The following DAPP1 variants were observed in gnomAD, a reference collection of about 807,000 sequenced individuals.
DAPP1 encodes the protein dual adapter for phosphotyrosine and 3-phosphotyrosine and 3-phosphoinositide.
Under a neutral mutation model 41.5 loss-of-function variants are expected in DAPP1, and 20 were observed. The observed-to-expected ratio is 0.48, with a 90% confidence interval of 0.34 to 0.70. The LOEUF (loss-of-function observed/expected upper bound fraction) is 0.70, where lower values mean the gene tolerates loss of function less well. Among genes scored for constraint, DAPP1 ranks in the 30% least tolerant of loss-of-function variants. DAPP1 has a pLI of 0.01. For synonymous variants in DAPP1, 113 were observed against 116.2 expected, an observed-to-expected ratio of 0.97 and a Z score of 0.18; for missense variants, 233 against 333.4, an observed-to-expected ratio of 0.70 and a Z score of 2.35.
At chr4:99,856,363 T>C (rs1362526478) in intron 4 of DAPP1, among the ~76,000 whole-genome samples, 1 of 152,118 alleles carries the variant, frequency 6.6e-6, no homozygotes, top group Non-Finnish European at 1.5e-5. Flanking sequence ...GAGTGACTCA[T>C]GTCAAGATGT....
chr4:99,826,898 A>G (rs1172659832), intron 1 of DAPP1, among the ~76,000 whole-genome samples: 1 of 152,166 alleles, frequency 6.6e-6, no homozygotes, highest in Non-Finnish European at 1.5e-5. Flanking sequence ...TGTCCATATC[A>G]CTAAGATAGC....
chr4:99,855,307 G>T (rs1724007549), intron 4 of DAPP1, among the ~76,000 whole-genome samples: 2 of 152,150 alleles, frequency 1.3e-5, no homozygotes, highest in Admixed American at 6.5e-5. Flanking sequence ...TTCCCCTAAA[G>T]ATCTCCACTC....
intron 1 of DAPP1, among the ~76,000 whole-genome samples, chr4:99,830,942 A>G (rs1480925566): frequency 6.6e-6 from 1 of 152,170 alleles, no homozygotes; most frequent in Non-Finnish European, 1.5e-5. Flanking sequence ...TTTTTTTCTA[A>G]TTAAATTTGT....
At chr4:99,856,286 A>C (rs1023726316) in intron 4 of DAPP1, among the ~76,000 whole-genome samples, 8 of 152,150 alleles carry the variant, frequency 5.3e-5, no homozygotes, top group Non-Finnish European at 1.2e-4. Flanking sequence ...GGATAAGGGG[A>C]GAAGAGGGAA....
At chr4:99,858,093 A>T (rs909036433) in intron 4 of DAPP1, among the ~76,000 whole-genome samples, 4 of 152,228 alleles carry the variant, frequency 2.6e-5, no homozygotes, top group African/African-American at 7.2e-5. Flanking sequence ...AGAGCCTTCC[A>T]AACTAGAAAA....
chr4:99,865,502 G>A (rs1228928221), intron 7 of DAPP1: 8 of 152,140 alleles, frequency 5.3e-5, no homozygotes, highest in Non-Finnish European at 8.8e-5. Context: ...TGTCCCAATA[G>A]TTGAAATTGC....
chr4:99,840,932 G>C (rs3775506), intron 3 of DAPP1, among the ~76,000 whole-genome samples: 1 of 151,898 alleles, frequency 6.6e-6, no homozygotes, highest in Non-Finnish European at 1.5e-5. Context: ...GAATTTTCCT[G>C]TTTGAATGGT....
At chr4:99,863,718 GTTTTTTTTT>G (rs61359294) in intron 6 of DAPP1, 43 bp from the exon 7 acceptor site, 1 of 782,586 alleles carries the variant, frequency 1.3e-6, no homozygotes, top group East Asian at 3.4e-5. Context: ...AGATTTGTCT[GTTTTTTTTT>G]TTTTTTTTAA....
rs147370349 is a variant in DAPP1, at chr4:99,821,962, A to G, written c.101+4948A>G. ...TTATTCAGCTAAGAAACGTAAAGTC[A>G]AAATTTCAGTGGAACCTGTTTACAG... On this transcript the variant is annotated intron_variant, in intron 1 of 8. Transcript: ENST00000512369. 5.9e-5 allele frequency among the ~76,000 whole-genome samples: 9 copies of G among 152,364 alleles called. No homozygotes were observed. The East Asian group carries it at 1.7e-3, about 29-fold the overall frequency.
chr4:99,851,352 A>G (rs1214704927), intron 3 of DAPP1, among the ~76,000 whole-genome samples: 1 of 152,114 alleles, frequency 6.6e-6, no homozygotes. Context: ...AGAAAGAGGA[A>G]GGGCCAGAGG....
chr4:99,819,529 C>T (rs953904661), intron 1 of DAPP1, among the ~76,000 whole-genome samples: 2 of 152,174 alleles, frequency 1.3e-5, no homozygotes, highest in African/African-American at 4.8e-5. Flanking sequence ...TGCCAGAATA[C>T]TGAACATAAC....
chr4:99,871,024 C>T (rs893346143), downstream of DAPP1, among the ~76,000 whole-genome samples: 1 of 152,148 alleles, frequency 6.6e-6, no homozygotes, highest in African/African-American at 2.4e-5. Context: ...GAAACCTTCC[C>T]CCTATGCCAG....
intron 3 of DAPP1, among the ~76,000 whole-genome samples, chr4:99,842,005 A>G (rs552076039): frequency 2.0e-5 from 3 of 152,344 alleles, no homozygotes; most frequent in South Asian, 2.1e-4. Flanking sequence ...GAAAAGATAC[A>G]TATTCTGCCT....
intron 3 of DAPP1, among the ~76,000 whole-genome samples, chr4:99,851,108 A>C (rs1723841500): frequency 6.6e-6 from 1 of 152,194 alleles, no homozygotes; most frequent in African/African-American, 2.4e-5. Flanking sequence ...CAATGTGAGC[A>C]CTGTGTTCAC....
At position 99,853,239 on chromosome 4, in the gene DAPP1, A is replaced by T; in HGVS notation, c.380A>T (p.His127Leu). Residue 127 changes from histidine to leucine, a missense_variant, in exon 4 of 9, where the codon CAT becomes CTT. His to Leu is a moderately conservative substitution (Grantham distance 99). Transcript: ENST00000512369. ...TCAGGCACTCTGATGGTTCTAAAAC[A>T]TCCCTACCCAAGAAAAGTGGAAGAA... ...SETGTLMVLK[H>L]PYPRKVEEPS... The T allele has an allele frequency of 6.2e-7, 1 of 1,613,986 alleles. No individual in the cohort carries two copies. The highest frequency in any genetic ancestry group is 8.5e-7 in the Non-Finnish European group (1 of 1,179,876).
At chr4:99,842,001 A>G (rs1723509994) in intron 3 of DAPP1, among the ~76,000 whole-genome samples, 1 of 152,200 alleles carries the variant, frequency 6.6e-6, no homozygotes. Context: ...TAGGGAAAAG[A>G]TACATATTCT....
At chr4:99,844,958 A>G (rs1390344196) in intron 3 of DAPP1, among the ~76,000 whole-genome samples, 2 of 152,238 alleles carry the variant, frequency 1.3e-5, no homozygotes, top group Non-Finnish European at 2.9e-5. Flanking sequence ...AATTTTTCCA[A>G]ACTTCCTTGG....
intron 1 of DAPP1, among the ~76,000 whole-genome samples, chr4:99,820,114 G>C (rs776146689): frequency 1.3e-5 from 2 of 152,162 alleles, no homozygotes; most frequent in African/African-American, 2.4e-5. Context: ...CTTCTCAGGG[G>C]AGGGTATGGG....
intron 1 of DAPP1, among the ~76,000 whole-genome samples, chr4:99,818,611 G>A (rs1722669101): frequency 6.6e-6 from 1 of 152,072 alleles, no homozygotes; most frequent in Non-Finnish European, 1.5e-5. Flanking sequence ...AAACCCACGG[G>A]TGGAATAGGA....
Sources: allele counts gnomAD v4.1 joint callset (sites outside exome capture counted in the v4.1 genomes callset), GRCh38; gene constraint gnomAD v4.1.1; transcripts MANE v1.5; gene names NCBI Gene and HGNC (gene_info 2026-07-23, HGNC 2026-07-21).